PRRX2: variants seen among roughly 807,000 people sequenced by gnomAD.
PRRX2 encodes the protein paired related homeobox 2.
In PRRX2, 11 loss-of-function variants were observed where a neutral mutation model predicts 18.0. That is an observed-to-expected ratio of 0.61 (90% CI 0.39 to 1.01). The LOEUF is 1.01. PRRX2 is among the 50% of genes least tolerant of loss of function. PRRX2 has a pLI of 0.01. For missense variants in PRRX2, 387 were observed against 351.0 expected (o/e 1.10, Z -0.82); for synonymous variants, 177 against 154.8 (o/e 1.14, Z -1.06).
intron 1 of PRRX2, among the ~76,000 whole-genome samples, chr9:129,694,093 G>T (rs1253229506): frequency 6.6e-6 from 1 of 152,182 alleles, no homozygotes; most frequent in Non-Finnish European, 1.5e-5. Flanking sequence ...GCTACTAGCA[G>T]GCGATCAGGA....
chr9:129,713,637 T>TC (rs1832660397), intron 1 of PRRX2, among the ~76,000 whole-genome samples: 1 of 142,938 alleles, frequency 7.0e-6, no homozygotes, highest in South Asian at 2.2e-4. Context: ...TTTTTCTTTC[T>TC]TTTTTTTTTT....
At chr9:129,666,648 A>G (rs10988467) in intron 1 of PRRX2, among the ~76,000 whole-genome samples, 95,092 of 147,762 alleles carry the variant, frequency 0.64, 30,712 homozygotes, top group African/African-American at 0.75. Flanking sequence ...CTTCCCCGGC[A>G]GAGGTCAAAG....
intron 1 of PRRX2, among the ~76,000 whole-genome samples, chr9:129,700,583 G>A (rs1425406387): frequency 6.6e-6 from 1 of 151,676 alleles, no homozygotes; most frequent in Non-Finnish European, 1.5e-5. Context: ...GCCCGCCTCC[G>A]CCTCCCAAAG....
At chr9:129,704,846 C>A (rs2130926739) in intron 1 of PRRX2, among the ~76,000 whole-genome samples, 1 of 152,306 alleles carries the variant, frequency 6.6e-6, no homozygotes, top group African/African-American at 2.4e-5. Flanking sequence ...CCAGCCCTCA[C>A]CCCAAGTTCC....
intron 1 of PRRX2, among the ~76,000 whole-genome samples, chr9:129,680,529 C>T (rs373077321): frequency 1.5e-5 from 2 of 134,234 alleles, no homozygotes; most frequent in Admixed American, 7.8e-5. Context: ...AGGACCATCA[C>T]GTTCCCTTCA....
chr9:129,707,109 A>C (rs191193176), intron 1 of PRRX2, among the ~76,000 whole-genome samples: 2 of 152,184 alleles, frequency 1.3e-5, no homozygotes, highest in Non-Finnish European at 2.9e-5. Flanking sequence ...TACAAAAATT[A>C]GCCAGGCATG....
At position 129,715,750 on chromosome 9, in the gene PRRX2, T is replaced by TCTCTCTCA. The variant is rs762929485; in HGVS notation, c.260-3480_260-3479insTCTCTCAC. 7.9e-5 allele frequency among the ~76,000 whole-genome samples: 11 copies of TCTCTCTCA among 138,952 alleles called. No homozygotes were observed. The highest frequency in any genetic ancestry group is 2.2e-4 in the African/African-American group (8 of 36,916). 91.2% of individuals were successfully genotyped at this position (138,952 alleles called of 152,430 possible). A position where few individuals can be genotyped will look rare whatever the true frequency, so the allele number is the denominator to read the frequency against. On this transcript the variant is annotated intron_variant, in intron 1 of 3. Coordinates refer to ENST00000372469, the MANE Select transcript of PRRX2 (RefSeq NM_016307.4). The surrounding 1 kb of genome is among the most constrained non-coding windows in gnomAD (Gnocchi z 4.0). ...AAACCCAGCTTCAGGGACATCTTTC[T>TCTCTCTCA]CACACACACACACACACACACACAC...
intron 1 of PRRX2, among the ~76,000 whole-genome samples, chr9:129,693,989 T>C (rs2130920292): frequency 6.6e-6 from 1 of 152,250 alleles, no homozygotes; most frequent in African/African-American, 2.4e-5. Context: ...GAGTCCTTGC[T>C]TGGGGTTTTT....
In PRRX2 at chr9:129,715,275, C is replaced by T. The variant is rs368670772; in HGVS notation, c.260-3956C>T. Among the ~76,000 whole-genome samples, 10 of 152,134 alleles carry T rather than the reference C, an allele frequency of 6.6e-5. No homozygotes were observed. The highest frequency in any genetic ancestry group is 2.2e-4 in the African/African-American group (9 of 41,412). ...CATTTTGGACAAGATAATTCATTGACGTGGGGGCCTGTCCTGTGTCTTGAA... is the reference window on the plus strand; with the variant it reads ...CATTTTGGACAAGATAATTCATTGATGTGGGGGCCTGTCCTGTGTCTTGAA... On this transcript the variant is annotated intron_variant, in intron 1 of 3. Transcript: ENST00000372469. The surrounding 1 kb of genome is among the most constrained non-coding windows in gnomAD (Gnocchi z 4.0).
intron 1 of PRRX2, among the ~76,000 whole-genome samples, chr9:129,716,453 T>C (rs1468645451): frequency 2.8e-5 from 4 of 144,926 alleles, no homozygotes. Context: ...ATGCTTTCTT[T>C]CTTTTTTTTT....
chr9:129,677,954 CTTTCT>C (rs965552514), intron 1 of PRRX2, among the ~76,000 whole-genome samples: 13 of 125,742 alleles, frequency 1.0e-4, no homozygotes, highest in South Asian at 2.8e-4. Flanking sequence ...TTCTTTCTTT[CTTTCT>C]TTTTTTTTTT....
intron 1 of PRRX2, among the ~76,000 whole-genome samples, chr9:129,681,173 C>T (rs2119062250): frequency 6.6e-6 from 1 of 152,342 alleles, no homozygotes; most frequent in Non-Finnish European, 1.5e-5. Context: ...GAGCTGGTTT[C>T]AGTGCTGGCT....
rs1456557135 is a variant in PRRX2 at position 129,716,459 on chromosome 9, T to C, written c.260-2772T>C. 6.6e-5 allele frequency among the ~76,000 whole-genome samples: 10 copies of C among 151,262 alleles called. No homozygotes were observed. In the South Asian group the frequency reaches 1.7e-3, roughly 25 times the overall value. On this transcript the variant is annotated intron_variant, in intron 1 of 3. Coordinates refer to ENST00000372469, the MANE Select transcript of PRRX2 (RefSeq NM_016307.4). ...GTACATACTATGCTTTCTTTCTTTT[T>C]TTTTTTTTTTTTGAGACAAGAGTCT...
chr9:129,688,347 G>A (rs1191466117), intron 1 of PRRX2, among the ~76,000 whole-genome samples: 3 of 152,112 alleles, frequency 2.0e-5, no homozygotes, highest in African/African-American at 7.2e-5. Context: ...TTATAGGTGT[G>A]AGTCACCGTG....
At chr9:129,717,972 C>A (rs1427766001) in intron 1 of PRRX2, among the ~76,000 whole-genome samples, 1 of 152,056 alleles carries the variant, frequency 6.6e-6, no homozygotes, top group Non-Finnish European at 1.5e-5. Flanking sequence ...GGAGGGCCCC[C>A]TGGAGGAGTG....
At position 129,695,212 on chromosome 9, in the gene PRRX2, G is replaced by A. The variant is rs946007882; in HGVS notation, c.260-24019G>A. ...TATTCCCTTCTCCACCCCACAGTCC[G>A]TGAGTGTGGATAGGTGGCCCGTAAT... is the stretch of plus-strand genomic sequence containing the variant. On this transcript the variant is annotated intron_variant, in intron 1 of 3. Coordinates refer to ENST00000372469, the MANE Select transcript of PRRX2 (RefSeq NM_016307.4). The surrounding 1 kb of genome is among the most constrained non-coding windows in gnomAD (Gnocchi z 4.8). 1.3e-5 allele frequency among the ~76,000 whole-genome samples: 2 copies of A among 152,106 alleles called. No homozygotes were observed. Among genetic ancestry groups the A allele is most frequent in the Non-Finnish European group, 2.9e-5 (2 of 68,024 alleles).
rs199559162 is a variant in PRRX2 at position 129,692,144 on chromosome 9, T to C, written c.259+26018T>C. 1.5e-4 allele frequency among the ~76,000 whole-genome samples: 22 copies of C among 151,272 alleles called. No homozygotes were observed. The East Asian group carries it at 4.3e-3, about 29-fold the overall frequency. ...TATTTTTTTTTAGAAGTGATAAGGT[T>C]TTGCTGTGTTGACCAGGCTGGTCTC... On this transcript the variant is annotated intron_variant, in intron 1 of 3. Transcript: ENST00000372469.
rs766903130 is a variant in PRRX2 at position 129,675,876 on chromosome 9, C to T, written c.259+9750C>T. Reference sequence around the variant, plus strand: ...TCCCGTATAAAACCCCGCAGAACGCCGAGGTCTTGAAAGCCAGTGCACCTC... The same window carrying T: ...TCCCGTATAAAACCCCGCAGAACGCTGAGGTCTTGAAAGCCAGTGCACCTC... On this transcript the variant is annotated intron_variant, in intron 1 of 3. Transcript: ENST00000372469. This position sits in a 1 kb window ranked among gnomAD's most constrained non-coding sequence, Gnocchi z 4.4. 6.6e-6 allele frequency among the ~76,000 whole-genome samples: 1 copy of T among 152,198 alleles called. No individual in the cohort carries two copies. Among genetic ancestry groups the T allele is most frequent in the Non-Finnish European group, 1.5e-5 (1 of 68,036 alleles).
chr9:129,688,611 C>T (rs1438293022), intron 1 of PRRX2, among the ~76,000 whole-genome samples: 1 of 152,184 alleles, frequency 6.6e-6, no homozygotes, highest in Non-Finnish European at 1.5e-5. Flanking sequence ...GCCAGGAGGG[C>T]TCACTGGGTC....
Sources: allele counts gnomAD v4.1 joint callset (sites outside exome capture counted in the v4.1 genomes callset), GRCh38; gene constraint gnomAD v4.1.1; non-coding constraint Gnocchi (gnomAD v3.1); transcripts MANE v1.5; gene names NCBI Gene and HGNC (gene_info 2026-07-23, HGNC 2026-07-21).